The following DOCK3 variants were observed in gnomAD, a reference collection of about 807,000 sequenced individuals.
The protein encoded by DOCK3 is dedicator of cytokinesis protein 3.
A neutral mutation model predicts 265.6 loss-of-function variants in DOCK3; 60 were observed. That is an observed-to-expected ratio of 0.23 (90% CI 0.18 to 0.28). The LOEUF is 0.28. DOCK3 is among the 10% of genes least tolerant of loss of function. DOCK3 has a pLI of 1.00. For synonymous variants in DOCK3, 881 were observed against 938.0 expected (o/e 0.94, Z 1.11); for missense variants, 1,981 against 2,594.3 (o/e 0.76, Z 5.14).
intron 25 of DOCK3, 69 bp downstream of exon 25, chr3:51,275,275 AG>A: frequency 6.3e-7 from 1 of 1,597,904 alleles, no homozygotes; most frequent in East Asian, 2.2e-5. Flanking sequence ...AGCCAGAGGC[AG>A]ACCAACAAAG....
At chr3:50,857,733 A>G (rs1348381635) in intron 3 of DOCK3, among the ~76,000 whole-genome samples, 2 of 152,242 alleles carry the variant, frequency 1.3e-5, no homozygotes, top group African/African-American at 4.8e-5. Context: ...ATGAGATACC[A>G]TCTCACACCA....
rs1051957158 is a variant in DOCK3 at position 51,153,584 on chromosome 3, C to T, written c.829-5660C>T. Among the ~76,000 whole-genome samples, 7 of 152,286 alleles carry T rather than the reference C, an allele frequency of 4.6e-5. No individual in the cohort carries two copies. In the South Asian group the frequency reaches 1.0e-3, roughly 23 times the overall value. On this transcript the variant is annotated intron_variant, in intron 10 of 52. Coordinates refer to ENST00000266037, the MANE Select transcript of DOCK3 (RefSeq NM_004947.5). ...GAAATGCAGAAATCACCATCTTCTG[C>T]GTCGATCATGCTGGGAGCTGCAGAC...
rs116915188 is a variant in DOCK3 at position 50,771,962 on chromosome 3, A to G, written c.38-6713A>G. 1.5e-3 allele frequency among the ~76,000 whole-genome samples: 232 copies of G among 152,358 alleles called. 6 individuals carry two copies. In the East Asian group the frequency reaches 0.042, roughly 28 times the overall value. On this transcript the variant is annotated intron_variant, in intron 1 of 52. Transcript: ENST00000266037. ...CTGGGTATATACCCCAAAGAGAGGAAATCAATATATCGAAGAGATATCTGC... is the reference window on the plus strand; with the variant it reads ...CTGGGTATATACCCCAAAGAGAGGAGATCAATATATCGAAGAGATATCTGC...
intron 3 of DOCK3, among the ~76,000 whole-genome samples, chr3:50,867,533 A>G (rs1229850545): frequency 6.6e-6 from 1 of 151,288 alleles, no homozygotes; most frequent in Non-Finnish European, 1.5e-5. Context: ...GCTTTTCCAC[A>G]TTCAGTATTA....
chr3:50,782,319 C>T (rs1347136219), intron 2 of DOCK3, among the ~76,000 whole-genome samples: 4 of 99,892 alleles, frequency 4.0e-5, no homozygotes, highest in Non-Finnish European at 7.2e-5. Flanking sequence ...GAGACGGAGT[C>T]TCGCTCTGTC....
At chr3:51,074,470 C>G (rs993983047) in intron 6 of DOCK3, among the ~76,000 whole-genome samples, 2 of 152,170 alleles carry the variant, frequency 1.3e-5, no homozygotes, top group Non-Finnish European at 2.9e-5. Context: ...CCCAAAGATC[C>G]TCCAAATACT....
chr3:51,055,621 G>A (rs1272773969), intron 5 of DOCK3, among the ~76,000 whole-genome samples: 4 of 152,066 alleles, frequency 2.6e-5, no homozygotes, highest in African/African-American at 7.2e-5. Context: ...GCCTGAGAAC[G>A]CCTCAGCTGT....
intron 1 of DOCK3, among the ~76,000 whole-genome samples, chr3:50,732,001 G>A (rs541989300): frequency 3.3e-5 from 5 of 151,808 alleles, no homozygotes; most frequent in South Asian, 2.1e-4. Context: ...TATTAGTTAC[G>A]GAGTTTGGCA....
chr3:50,836,716 AT>A (rs1694450903), intron 2 of DOCK3, among the ~76,000 whole-genome samples: 1 of 152,022 alleles, frequency 6.6e-6, no homozygotes, highest in Non-Finnish European at 1.5e-5. Flanking sequence ...ACTTATGCAA[AT>A]TTCTGCAGCA....
At chr3:50,776,462 G>T (rs1362204714) in intron 1 of DOCK3, among the ~76,000 whole-genome samples, 1 of 150,946 alleles carries the variant, frequency 6.6e-6, no homozygotes, top group Non-Finnish European at 1.5e-5. Context: ...TGAGTTCCTT[G>T]TAGATTCTGG....
intron 19 of DOCK3, among the ~76,000 whole-genome samples, chr3:51,233,522 C>G (rs1405734404): frequency 1.3e-5 from 2 of 152,092 alleles, no homozygotes; most frequent in African/African-American, 2.4e-5. Flanking sequence ...TGTGCCACCA[C>G]GCCTGGCTAA....
intron 25 of DOCK3, among the ~76,000 whole-genome samples, chr3:51,277,342 T>A (rs1303242441): frequency 6.6e-6 from 1 of 152,212 alleles, no homozygotes; most frequent in African/African-American, 2.4e-5. Flanking sequence ...TCAAAATTAA[T>A]GTATCTGCTT....
chr3:50,675,389 C>A lies in DOCK3; in HGVS notation c.37+89C>A. On this transcript the variant is annotated intron_variant, in intron 1 of 52. Coordinates refer to ENST00000266037, the MANE Select transcript of DOCK3 (RefSeq NM_004947.5). The surrounding 1 kb of genome is among the most constrained non-coding windows in gnomAD (Gnocchi z 6.1). The stretch of plus-strand genomic sequence containing the variant: ...GCCTGGATTCGCATCCTCGTGCCCC[C>A]GCCACTGCCCGCAGGCTGCGCGGCC... 9.1e-7 allele frequency: 1 copy of A among 1,094,298 alleles called. No homozygotes were observed. Among genetic ancestry groups the A allele is most frequent in the Non-Finnish European group, 1.1e-6 (1 of 876,178 alleles). 67.8% of individuals were successfully genotyped at this position (1,094,298 alleles called of 1,614,324 possible). A position where few individuals can be genotyped will look rare whatever the true frequency, so the allele number is the denominator to read the frequency against.
chr3:51,236,305 G>A (rs759922926), intron 19 of DOCK3, 40 bp from the exon 20 acceptor site: 1 of 1,481,974 alleles, frequency 6.7e-7, no homozygotes. Flanking sequence ...TGCGTGTAAG[G>A]TCCTGAGACC....
At chr3:51,075,675 C>T (rs1239052078) in intron 7 of DOCK3, among the ~76,000 whole-genome samples, 3 of 152,142 alleles carry the variant, frequency 2.0e-5, no homozygotes, top group African/African-American at 7.2e-5. Flanking sequence ...TCTTTGTTGA[C>T]TTTCTTGGTG....
chr3:50,903,997 A>C (rs2049338899), intron 4 of DOCK3, among the ~76,000 whole-genome samples: 1 of 151,866 alleles, frequency 6.6e-6, no homozygotes, highest in Non-Finnish European at 1.5e-5. Context: ...TCCCACCTAT[A>C]AGTGAGAACA....
At chr3:51,278,569 T>C (rs1410914704) in intron 26 of DOCK3, 1 of 984,354 alleles carries the variant, frequency 1.0e-6, no homozygotes, top group African/African-American at 1.8e-5. Flanking sequence ...GAGTGTCTGC[T>C]CCTTTAGGAG....
intron 1 of DOCK3, among the ~76,000 whole-genome samples, chr3:50,776,428 G>A (rs929162920): frequency 6.6e-6 from 1 of 150,862 alleles, no homozygotes; most frequent in Non-Finnish European, 1.5e-5. Flanking sequence ...AGTTTTTTAT[G>A]TGATTTTTTT....
intron 12 of DOCK3, among the ~76,000 whole-genome samples, chr3:51,203,647 A>G (rs1471309211): frequency 2.0e-5 from 3 of 152,246 alleles, no homozygotes; most frequent in Admixed American, 1.3e-4. Context: ...CTTTCTTCAC[A>G]GAATTGGAAA....
Sources: allele counts gnomAD v4.1 joint callset (sites outside exome capture counted in the v4.1 genomes callset), GRCh38; gene constraint gnomAD v4.1.1; non-coding constraint Gnocchi (gnomAD v3.1); transcripts MANE v1.5; gene names NCBI Gene and HGNC (gene_info 2026-07-23, HGNC 2026-07-21).